CNTNAP2: variants seen among roughly 807,000 people sequenced by gnomAD.
The protein encoded by CNTNAP2 is contactin-associated protein-like 2.
Under a neutral mutation model 155.2 loss-of-function variants are expected in CNTNAP2, and 98 were observed. The observed-to-expected ratio is 0.63, with a 90% CI of 0.54 to 0.75. The LOEUF (loss-of-function observed/expected upper bound fraction) is 0.75. CNTNAP2 is among the 30% of genes least tolerant of loss of function. The pLI is 0.00. For missense variants in CNTNAP2, 1,727 were observed against 1,688.1 expected (o/e 1.02, Z -0.40); for synonymous variants, 651 against 631.2 (o/e 1.03, Z -0.47).
intron 21 of CNTNAP2, among the ~76,000 whole-genome samples, chr7:148,280,607 T>C (rs1314882208): frequency 2.0e-5 from 3 of 151,988 alleles, no homozygotes; most frequent in African/African-American, 7.2e-5. Context: ...ATGGACTCAA[T>C]TAAAGTTTCA....
chr7:146,727,894 T>A (rs1394759680), intron 1 of CNTNAP2, among the ~76,000 whole-genome samples: 2 of 152,176 alleles, frequency 1.3e-5, no homozygotes, highest in African/African-American at 4.8e-5. Flanking sequence ...TCCATTGAAG[T>A]ACTACTCATG....
chr7:148,340,080 C>G (rs1798202181), intron 21 of CNTNAP2, among the ~76,000 whole-genome samples: 1 of 151,528 alleles, frequency 6.6e-6, no homozygotes, highest in Non-Finnish European at 1.5e-5. Context: ...TTTTCAGGAG[C>G]ATCTTAATAT....
intron 14 of CNTNAP2, among the ~76,000 whole-genome samples, chr7:147,961,144 A>G (rs1021257708): frequency 6.6e-5 from 10 of 151,852 alleles, no homozygotes; most frequent in African/African-American, 2.4e-4. Flanking sequence ...CTCCTTTTTC[A>G]TCTAGTAATT....
At chr7:148,327,881 T>A (rs1390025131) in intron 21 of CNTNAP2, among the ~76,000 whole-genome samples, 1 of 151,716 alleles carries the variant, frequency 6.6e-6, no homozygotes, top group East Asian at 1.9e-4. Flanking sequence ...GACCTAATCA[T>A]CTCCACACTG....
chr7:147,918,545 A>G (rs1800202683), intron 14 of CNTNAP2, among the ~76,000 whole-genome samples: 1 of 152,222 alleles, frequency 6.6e-6, no homozygotes, highest in Non-Finnish European at 1.5e-5. Flanking sequence ...AGTATATTAC[A>G]TGCACATCCT....
intron 1 of CNTNAP2, among the ~76,000 whole-genome samples, chr7:146,750,334 G>A (rs2129182405): frequency 6.6e-6 from 1 of 152,110 alleles, no homozygotes; most frequent in South Asian, 2.1e-4. Context: ...CGGACATCTT[G>A]ATAATCTCTC....
chr7:146,960,369 A>G (rs1350479703), intron 3 of CNTNAP2, among the ~76,000 whole-genome samples: 2 of 152,172 alleles, frequency 1.3e-5, no homozygotes, highest in Non-Finnish European at 2.9e-5. Flanking sequence ...GGTCTCAGAG[A>G]GAGGCCAGTT....
intron 1 of CNTNAP2, among the ~76,000 whole-genome samples, chr7:146,643,445 G>A (rs1799749602): frequency 1.3e-5 from 2 of 152,078 alleles, no homozygotes; most frequent in East Asian, 1.9e-4. Context: ...GTTTTTCTCA[G>A]GTTTGTCAAA....
intron 21 of CNTNAP2, among the ~76,000 whole-genome samples, chr7:148,366,964 GGCTCACGC>G (rs1249319913): frequency 6.6e-6 from 1 of 152,240 alleles, no homozygotes; most frequent in African/African-American, 2.4e-5. Flanking sequence ...TGTGCGCGGT[GGCTCACGC>G]CTGTAGTCCC....
At chr7:146,806,196 G>A (rs1406259509) in intron 2 of CNTNAP2, among the ~76,000 whole-genome samples, 2 of 151,996 alleles carry the variant, frequency 1.3e-5, no homozygotes, top group Non-Finnish European at 2.9e-5. Context: ...TTATATATTT[G>A]CAATGAAAAC....
At chr7:147,772,683 T>C (rs1016908907) in intron 13 of CNTNAP2, among the ~76,000 whole-genome samples, 8 of 151,886 alleles carry the variant, frequency 5.3e-5, no homozygotes, top group Non-Finnish European at 1.0e-4. Context: ...TTCTCCATTG[T>C]CACCTTCCTC....
chr7:146,468,218 C>T (rs1322222900), intron 1 of CNTNAP2, among the ~76,000 whole-genome samples: 1 of 151,934 alleles, frequency 6.6e-6, no homozygotes, highest in Admixed American at 6.6e-5. Flanking sequence ...ACCGTGATCC[C>T]CCACTTGTAG....
At chr7:147,397,742 A>G (rs1042031382) in intron 10 of CNTNAP2, among the ~76,000 whole-genome samples, 2 of 151,150 alleles carry the variant, frequency 1.3e-5, no homozygotes, top group Non-Finnish European at 2.9e-5. Flanking sequence ...ACAAGTTTCA[A>G]TTTTTCACAG....
At chr7:148,392,554 G>A (rs942343012) in intron 22 of CNTNAP2, among the ~76,000 whole-genome samples, 1 of 152,116 alleles carries the variant, frequency 6.6e-6, no homozygotes, top group Non-Finnish European at 1.5e-5. Flanking sequence ...CTGCCCTAAC[G>A]CTAACCTGCA....
chr7:146,676,221 C>T (rs1440911495), intron 1 of CNTNAP2, among the ~76,000 whole-genome samples: 1 of 151,946 alleles, frequency 6.6e-6, no homozygotes, highest in Non-Finnish European at 1.5e-5. Context: ...TTGTAATTAT[C>T]AATAAATATG....
chr7:147,902,323 T>C (rs1002259010), intron 13 of CNTNAP2, among the ~76,000 whole-genome samples: 4 of 152,234 alleles, frequency 2.6e-5, no homozygotes, highest in African/African-American at 9.6e-5. Flanking sequence ...TTTATATACA[T>C]GTAAAATTGT....
intron 13 of CNTNAP2, among the ~76,000 whole-genome samples, chr7:147,791,204 A>T (rs1797813283): frequency 6.6e-6 from 1 of 151,944 alleles, no homozygotes; most frequent in African/African-American, 2.4e-5. Flanking sequence ...TTTTCAGTAA[A>T]GCCAGTTTCT....
chr7:148,294,446 G>A (rs1367999858), intron 21 of CNTNAP2, among the ~76,000 whole-genome samples: 2 of 152,214 alleles, frequency 1.3e-5, no homozygotes, highest in Non-Finnish European at 2.9e-5. Context: ...AAACAAAAGA[G>A]CTCTATAACA....
At chr7:146,444,682 G>T (rs1349139032) in intron 1 of CNTNAP2, among the ~76,000 whole-genome samples, 1 of 138,746 alleles carries the variant, frequency 7.2e-6, no homozygotes, top group East Asian at 2.0e-4. Flanking sequence ...TTTTGAGACA[G>T]CATTTTACTC....
Sources: gnomAD v4.1 joint callset for allele counts (sites outside exome capture counted in the v4.1 genomes callset) on GRCh38, gnomAD v4.1.1 for gene constraint, MANE v1.5 for transcripts, NCBI Gene and HGNC (gene_info 2026-07-23, HGNC 2026-07-21) for gene names.